ZBTB46: variants seen among roughly 807,000 people sequenced by gnomAD.
ZBTB46 encodes zinc finger and BTB domain-containing protein 46.
In ZBTB46, 8 loss-of-function variants were observed where a neutral mutation model predicts 44.1. The observed-to-expected ratio is 0.18, with a 90% CI of 0.11 to 0.33. The LOEUF (loss-of-function observed/expected upper bound fraction) is 0.33. ZBTB46 is among the 10% of genes least tolerant of loss of function. ZBTB46 has a pLI of 1.00. For missense variants in ZBTB46, 651 were observed against 847.7 expected (o/e 0.77, Z 2.88); for synonymous variants, 409 against 382.3 (o/e 1.07, Z -0.81).
Position 63,771,016 on chromosome 20 carries a change from G to A in ZBTB46, c.1222+4662C>T, listed in dbSNP as rs1448242902. Among the ~76,000 whole-genome samples, 12 of 136,196 alleles carry A rather than the reference G, an allele frequency of 8.8e-5. No individual in the cohort carries two copies. The South Asian group carries it at 1.6e-3, about 18-fold the overall frequency. 89.3% of individuals were successfully genotyped at this position (136,196 alleles called of 152,430 possible). A position where few individuals can be genotyped will look rare whatever the true frequency, so the allele number is the denominator to read the frequency against. On this transcript the variant is annotated intron_variant, in intron 3 of 4. Coordinates refer to ENST00000245663, the MANE Select transcript of ZBTB46 (RefSeq NM_001369741.1). ...ACAGCAGGGGCCACGTCAGCAGGAG[G>A]TCGCAAGTCAGCACCGGCCACGCCC...
At position 63,796,924 on chromosome 20, in the gene ZBTB46, C is replaced by G. The variant is rs537344261; in HGVS notation, c.-33-6134G>C. 2.0e-5 allele frequency among the ~76,000 whole-genome samples: 3 copies of G among 152,238 alleles called. No homozygotes were observed. The South Asian group carries it at 6.2e-4, about 32-fold the overall frequency. On this transcript the variant is annotated intron_variant, in intron 1 of 4. Coordinates refer to ENST00000245663, the MANE Select transcript of ZBTB46 (RefSeq NM_001369741.1). ...GTGGCTCAGGCCTATAATCCCAACA[C>G]TTTGGGAGGCTGATGCAGGAGGATC...
At chr20:63,819,864 G>A (rs2092781336) in intron 1 of ZBTB46, among the ~76,000 whole-genome samples, 1 of 152,172 alleles carries the variant, frequency 6.6e-6, no homozygotes, top group South Asian at 2.1e-4. Context: ...AGCAGAGGGT[G>A]TCTGCTAATG....
Position 63,767,491 on chromosome 20 carries a change from G to A in ZBTB46, c.1222+8187C>T, listed in dbSNP as rs1320158958. Among the ~76,000 whole-genome samples, 6 of 152,126 alleles carry A rather than the reference G, an allele frequency of 3.9e-5. No homozygotes were observed. Among genetic ancestry groups the A allele is most frequent in the Non-Finnish European group, 7.4e-5 (5 of 68,022 alleles). The stretch of plus-strand genomic sequence containing the variant: ...CTCTCCGCAGATATCCCCCTCCGAC[G>A]CGGCTGTTCGGTCACCCAGTTCCCC... On this transcript the variant is annotated intron_variant, in intron 3 of 4. Coordinates refer to ENST00000245663, the MANE Select transcript of ZBTB46 (RefSeq NM_001369741.1). This position sits in a 1 kb window ranked among gnomAD's most constrained non-coding sequence, Gnocchi z 5.0.
intron 3 of ZBTB46, among the ~76,000 whole-genome samples, chr20:63,774,189 C>T (rs2092401212): frequency 6.6e-6 from 1 of 151,540 alleles, no homozygotes; most frequent in African/African-American, 2.4e-5. Flanking sequence ...CAAGACCCTT[C>T]GACGGACACG....
chr20:63,750,558 A>G (rs991473669), intron 4 of ZBTB46, among the ~76,000 whole-genome samples: 1 of 151,870 alleles, frequency 6.6e-6, no homozygotes, highest in Non-Finnish European at 1.5e-5. Flanking sequence ...TTATAAGTAC[A>G]TTTTCCAGGG....
rs572744269 is a variant in ZBTB46 at position 63,789,841 on chromosome 20, G to A, written c.917C>T (p.Pro306Leu). Reference protein sequence around the residue: ...VPSFLPTSGWPFSSRDSNADL... With the variant: ...VPSFLPTSGWLFSSRDSNADL... ...CTTACTTGAGTCTCGGCTGCTGAAC[G>A]GCCACCCCGACGTCGGCAGGAAGGA... is the stretch of plus-strand genomic sequence containing the variant. Residue 306 changes from proline to leucine, a missense_variant, in exon 2 of 5, where the codon CCG (proline) becomes CTG (leucine). Coordinates refer to ENST00000245663, the MANE Select transcript of ZBTB46 (RefSeq NM_001369741.1). 2.0e-5 allele frequency: 32 copies of A among 1,610,716 alleles called. No individual in the cohort carries two copies. In the Admixed American group the frequency reaches 4.5e-4, roughly 23 times the overall value.
intron 1 of ZBTB46, among the ~76,000 whole-genome samples, chr20:63,806,176 C>T (rs941102948): frequency 8.0e-5 from 12 of 149,910 alleles, no homozygotes; most frequent in Admixed American, 1.3e-4. Flanking sequence ...CTGAGACGAG[C>T]GGATCACCTG....
At chr20:63,756,329 CAG>C (rs2092220057) in intron 3 of ZBTB46, among the ~76,000 whole-genome samples, 2 of 152,226 alleles carry the variant, frequency 1.3e-5, no homozygotes, top group Admixed American at 6.5e-5. Flanking sequence ...GACGGGCAGA[CAG>C]GGGACAAGGC....
intron 1 of ZBTB46, among the ~76,000 whole-genome samples, chr20:63,796,930 G>A (rs930612635): frequency 3.3e-5 from 5 of 152,174 alleles, no homozygotes; most frequent in Non-Finnish European, 7.3e-5. Flanking sequence ...AACACTTTGG[G>A]AGGCTGATGC....
At chr20:63,774,606 C>T in intron 3 of ZBTB46, among the ~76,000 whole-genome samples, 1 of 152,066 alleles carries the variant, frequency 6.6e-6, no homozygotes, top group Non-Finnish European at 1.5e-5. Flanking sequence ...CAGCTATGTG[C>T]TAGGTGCCAG....
intron 2 of ZBTB46, among the ~76,000 whole-genome samples, chr20:63,784,451 C>T (rs907300167): frequency 6.6e-6 from 1 of 152,246 alleles, no homozygotes; most frequent in South Asian, 2.1e-4. Flanking sequence ...CAAGTACACA[C>T]TTCACAGAAC....
In ZBTB46 at chr20:63,775,666, GCCT is replaced by G; in HGVS notation, c.1222+9_1222+11del. 1 of 1,550,538 alleles carries G rather than the reference GCCT, an allele frequency of 6.4e-7. No individual in the cohort carries two copies. Among genetic ancestry groups the G allele is most frequent in the Non-Finnish European group, 8.7e-7 (1 of 1,148,292 alleles). On this transcript the variant is annotated intron_variant, in intron 3 of 4. Transcript: ENST00000245663. ...ACACCAAAGCCAAGCGGCCCCCAGG[GCCT>G]GCACTTACGGGACAGCGAGTGGGCC...
At chr20:63,816,177 A>ATGCAGTGGGCACAGG (rs1568902985) in intron 1 of ZBTB46, among the ~76,000 whole-genome samples, 1 of 144,178 alleles carries the variant, frequency 6.9e-6, no homozygotes, top group African/African-American at 2.6e-5. Flanking sequence ...GTGGGCACAG[A>ATGCAGTGGGCACAGG]TGCAGTGGGC....
Position 63,752,739 on chromosome 20 carries a change from C to G in ZBTB46, c.1345G>C (p.Glu449Gln). The G allele has an allele frequency of 6.2e-7, 1 of 1,610,330 alleles. No individual in the cohort carries two copies. Residue 449 changes from glutamate to glutamine, a missense_variant, in exon 4 of 5, where the codon GAG becomes CAG. Coordinates refer to ENST00000245663, the MANE Select transcript of ZBTB46 (RefSeq NM_001369741.1). This position sits in a 1 kb window ranked among gnomAD's most constrained non-coding sequence, Gnocchi z 5.6. Reference protein sequence around the residue: ...SHTGERPYPCEICGKKFTRRE... With the variant: ...SHTGERPYPCQICGKKFTRRE... Reference sequence around the variant, plus strand: ...CGCGTGAACTTCTTCCCGCAGATCTCGCAGGGGTAGGGCCGCTCTCCCGTG... The same window carrying G: ...CGCGTGAACTTCTTCCCGCAGATCTGGCAGGGGTAGGGCCGCTCTCCCGTG...
intron 3 of ZBTB46, among the ~76,000 whole-genome samples, chr20:63,755,370 C>A (rs1324697904): frequency 6.6e-6 from 1 of 152,230 alleles, no homozygotes; most frequent in Non-Finnish European, 1.5e-5. Context: ...GTCCCTCCGG[C>A]CTCTTCAGCT....
chr20:63,768,515 G>A (rs937107322), intron 3 of ZBTB46, among the ~76,000 whole-genome samples: 2 of 152,160 alleles, frequency 1.3e-5, no homozygotes, highest in African/African-American at 4.8e-5. Flanking sequence ...GCTGAGGCAG[G>A]AGAATCTCTT....
At position 63,744,547 on chromosome 20, in the gene ZBTB46, T is replaced by C. The variant is rs2145729828; in HGVS notation, c.*2383A>G. 1 of 152,410 alleles carries C rather than the reference T, an allele frequency of 6.6e-6. No individual in the cohort carries two copies. Among genetic ancestry groups the C allele is most frequent in the East Asian group, 1.9e-4 (1 of 5,312 alleles). The allele number at this position is 152,410 out of a possible 1,614,324, so 9.4% of individuals were successfully genotyped here. On this transcript the variant is annotated 3_prime_UTR_variant, in exon 5 of 5. Coordinates refer to ENST00000245663, the MANE Select transcript of ZBTB46 (RefSeq NM_001369741.1). The stretch of plus-strand genomic sequence containing the variant: ...TTTCCTCTTCATAAAAAAATATTTA[T>C]TAGTTTGAACATCGATTTAAAAAAA...
intron 1 of ZBTB46, among the ~76,000 whole-genome samples, chr20:63,801,921 G>A (rs753691239): frequency 2.6e-5 from 4 of 152,134 alleles, no homozygotes; most frequent in Admixed American, 6.6e-5. Flanking sequence ...TTTGCTGCAC[G>A]TAAATTATGC....
At chr20:63,747,459 G>T (rs1342316375) in intron 4 of ZBTB46, among the ~76,000 whole-genome samples, 158 bp from the exon 5 acceptor site, 2 of 46,174 alleles carry the variant, frequency 4.3e-5, no homozygotes, top group African/African-American at 1.6e-4. Flanking sequence ...GGTGGAGGTG[G>T]GGGGGGCGGG....
Sources: allele counts gnomAD v4.1 joint callset (sites outside exome capture counted in the v4.1 genomes callset), GRCh38; gene constraint gnomAD v4.1.1; non-coding constraint Gnocchi (gnomAD v3.1); transcripts MANE v1.5; gene names NCBI Gene and HGNC (gene_info 2026-07-23, HGNC 2026-07-21).